Variants in CACNA1C observed in about 807,000 individuals in gnomAD.
CACNA1C encodes calcium voltage-gated channel subunit alpha1 C, also known as voltage-dependent L-type calcium channel subunit alpha-1C.
Under a neutral mutation model 229.0 loss-of-function variants are expected in CACNA1C, and 30 were observed. The observed-to-expected ratio is 0.13, with a 90% confidence interval of 0.10 to 0.18. The LOEUF (loss-of-function observed/expected upper bound fraction) is 0.18, where lower values mean the gene tolerates loss of function less well. CACNA1C is among the 10% of genes least tolerant of loss of function. The pLI, the probability that CACNA1C is intolerant of heterozygous loss-of-function variation, is 1.00. For missense variants in CACNA1C, 1,658 were observed against 2,845.0 expected, an observed-to-expected ratio of 0.58 and a Z score of 9.49; for synonymous variants, 1,114 against 1,132.5, an observed-to-expected ratio of 0.98 and a Z score of 0.33.
intron 3 of CACNA1C, among the ~76,000 whole-genome samples, chr12:2,436,129 A>G (rs544135545): frequency 6.6e-6 from 1 of 152,264 alleles, no homozygotes; most frequent in Admixed American, 6.5e-5. Flanking sequence ...GGAGGTGGGG[A>G]AGGAAGGATT....
At chr12:2,350,770 C>G (rs983605884) in intron 3 of CACNA1C, among the ~76,000 whole-genome samples, 2 of 152,206 alleles carry the variant, frequency 1.3e-5, no homozygotes, top group Non-Finnish European at 2.9e-5. Flanking sequence ...AGCTCTGCCC[C>G]CTTTCGCAGG....
intron 3 of CACNA1C, among the ~76,000 whole-genome samples, chr12:2,415,966 C>T (rs1031487073): frequency 6.6e-6 from 1 of 152,180 alleles, no homozygotes; most frequent in Non-Finnish European, 1.5e-5. Context: ...CCTGCTCCTT[C>T]CTCTCCCCTT....
intron 3 of CACNA1C, among the ~76,000 whole-genome samples, chr12:2,188,439 A>T (rs764220868): frequency 2.6e-5 from 4 of 151,976 alleles, no homozygotes; most frequent in Non-Finnish European, 4.4e-5. Flanking sequence ...ATTTATTTTG[A>T]TTTTCTAGTT....
intron 3 of CACNA1C, among the ~76,000 whole-genome samples, chr12:2,271,033 A>C (rs1187568605): frequency 6.6e-6 from 1 of 152,076 alleles, no homozygotes; most frequent in Admixed American, 6.5e-5. Flanking sequence ...AATGGCAGAC[A>C]CTTTTCTTTC....
chr12:1,995,044 G>A (rs2154475731), intron 1 of CACNA1C, among the ~76,000 whole-genome samples: 1 of 152,040 alleles, frequency 6.6e-6, no homozygotes, highest in Admixed American at 6.5e-5. Context: ...AGTTAGATTT[G>A]GAGAAAAGAC....
At chr12:2,276,173 C>T (rs1470220143) in intron 3 of CACNA1C, among the ~76,000 whole-genome samples, 1 of 152,032 alleles carries the variant, frequency 6.6e-6, no homozygotes, top group Non-Finnish European at 1.5e-5. Flanking sequence ...AAAACTGAGA[C>T]CTAACACATA....
intron 9 of CACNA1C, among the ~76,000 whole-genome samples, chr12:2,538,386 C>T (rs1010283110): frequency 2.0e-5 from 3 of 152,174 alleles, no homozygotes; most frequent in African/African-American, 7.2e-5. Context: ...GCTGATGGCA[C>T]CTTTCTCTGT....
At chr12:2,390,463 G>A (rs988622251) in intron 3 of CACNA1C, among the ~76,000 whole-genome samples, 2 of 152,198 alleles carry the variant, frequency 1.3e-5, no homozygotes, top group African/African-American at 2.4e-5. Flanking sequence ...CCGACAACAA[G>A]ATATAATCCT....
intron 3 of CACNA1C, among the ~76,000 whole-genome samples, chr12:2,139,985 ATC>A (rs1399134837): frequency 6.6e-6 from 1 of 150,870 alleles, no homozygotes; most frequent in African/African-American, 2.4e-5. Context: ...GCAGGGGCTT[ATC>A]TCTGCCACAG....
rs564990323 is a variant in CACNA1C, at chr12:2,420,102, G to GGTGTGTGTGTGTGTGTGTGTGTGTGTGT, written c.478-28855_478-28828dup. On this transcript the variant is annotated intron_variant, in intron 3 of 46. Transcript: ENST00000399655. ...CAGGGTAATCAGACTTAGGCAAAAT[G>GGTGTGTGTGTGTGTGTGTGTGTGTGTGT]GTGTGTGTGTGTGTGTGTGTGTGTG... 1.4e-3 allele frequency among the ~76,000 whole-genome samples: 173 copies of GGTGTGTGTGTGTGTGTGTGTGTGTGTGT among 125,480 alleles called. 5 individuals are homozygous for GGTGTGTGTGTGTGTGTGTGTGTGTGTGT. The highest frequency in any genetic ancestry group is 2.9e-3 in the African/African-American group (83 of 28,582). 82.3% of individuals were successfully genotyped at this position (125,480 alleles called of 152,430 possible). A position where few individuals can be genotyped will look rare whatever the true frequency, so the allele number is the denominator to read the frequency against.
chr12:2,571,297 C>T (rs1031981343), intron 13 of CACNA1C, among the ~76,000 whole-genome samples: 21 of 152,302 alleles, frequency 1.4e-4, no homozygotes, highest in African/African-American at 4.8e-4. Context: ...GCTGACCTGT[C>T]TTCTTGTCTA....
At position 2,597,398 on chromosome 12, in the gene CACNA1C, A is replaced by G. The variant is rs762079653; in HGVS notation, c.2853+109A>G. 2 of 1,551,976 alleles carry G rather than the reference A, an allele frequency of 1.3e-6. No individual in the cohort carries two copies. Among genetic ancestry groups the G allele is most frequent in the African/African-American group, 1.4e-5 (1 of 73,560 alleles). On this transcript the variant is annotated intron_variant, in intron 21 of 46. Transcript: ENST00000399655. The surrounding 1 kb of genome is among the most constrained non-coding windows in gnomAD (Gnocchi z 4.3). ...GCTCCTTCCTGTTGGTGTGGGGTTCACTCTCAGAGCCACTAATCCAATTAT... is the reference window on the plus strand; with the variant it reads ...GCTCCTTCCTGTTGGTGTGGGGTTCGCTCTCAGAGCCACTAATCCAATTAT...
At chr12:2,360,240 A>G (rs990958082) in intron 3 of CACNA1C, among the ~76,000 whole-genome samples, 17 of 143,798 alleles carry the variant, frequency 1.2e-4, no homozygotes, top group African/African-American at 4.1e-4. Context: ...ATTGAGAACC[A>G]AGAGGCTGGT....
intron 1 of CACNA1C, among the ~76,000 whole-genome samples, chr12:2,098,029 G>A (rs1241603909): frequency 2.0e-5 from 3 of 152,220 alleles, no homozygotes; most frequent in African/African-American, 7.2e-5. Context: ...GAGATTGAGA[G>A]CCAGAGAAGG....
At chr12:2,460,494 A>G (rs2099492877) in intron 5 of CACNA1C, among the ~76,000 whole-genome samples, 1 of 152,258 alleles carries the variant, frequency 6.6e-6, no homozygotes, top group Non-Finnish European at 1.5e-5. Flanking sequence ...CTCATGCTAC[A>G]GTGCATTAAA....
At chr12:2,596,633 A>G (rs535660190) in intron 20 of CACNA1C, among the ~76,000 whole-genome samples, 1 of 152,190 alleles carries the variant, frequency 6.6e-6, no homozygotes, top group Non-Finnish European at 1.5e-5. Context: ...TACCGAGGTT[A>G]GCAGGTGTTG....
intron 3 of CACNA1C, among the ~76,000 whole-genome samples, chr12:2,353,750 G>A (rs1487291635): frequency 2.0e-5 from 3 of 152,200 alleles, no homozygotes; most frequent in African/African-American, 7.2e-5. Context: ...GGGGGTGGGA[G>A]AGACAGTGCA....
chr12:2,452,388 G>A (rs1340214142), intron 4 of CACNA1C, among the ~76,000 whole-genome samples: 1 of 152,168 alleles, frequency 6.6e-6, no homozygotes, highest in African/African-American at 2.4e-5. Flanking sequence ...ACGCCAGCCA[G>A]TGAGGCTTTG....
At chr12:1,978,132 T>C (rs1415063361) in intron 1 of CACNA1C, among the ~76,000 whole-genome samples, 2 of 152,178 alleles carry the variant, frequency 1.3e-5, no homozygotes, top group Non-Finnish European at 2.9e-5. Context: ...AAGAGAAATC[T>C]TGCTTCTCTG....
Sources: gnomAD v4.1 joint callset for allele counts (sites outside exome capture counted in the v4.1 genomes callset) on GRCh38, gnomAD v4.1.1 for gene constraint, Gnocchi (gnomAD v3.1) non-coding constraint, MANE v1.5 for transcripts, NCBI Gene and HGNC (gene_info 2026-07-23, HGNC 2026-07-21) for gene names.